Variants in MORN1 observed in about 807,000 individuals in gnomAD.
MORN1 encodes the protein MORN repeat containing 1.
MORN1 carries 67 observed loss-of-function variants against 61.9 expected under a neutral mutation model. The observed-to-expected ratio is 1.08, with a 90% confidence interval of 0.89 to 1.33. MORN1 has a LOEUF of 1.33. Among genes scored for constraint, MORN1 ranks in the 40% most tolerant of loss-of-function variants. The pLI is 0.00. For synonymous variants in MORN1, 301 were observed against 292.0 expected (o/e 1.03, Z -0.31); for missense variants, 752 against 691.2 (o/e 1.09, Z -0.99).
chr1:2,330,141 G>C (rs1641118521), intron 12 of MORN1, among the ~76,000 whole-genome samples: 1 of 152,226 alleles, frequency 6.6e-6, no homozygotes, highest in Admixed American at 6.5e-5. Flanking sequence ...TCCCCACCTG[G>C]GCTGCGAGTC....
At chr1:2,323,549 G>A (rs1640930759) in intron 13 of MORN1, 2 of 985,210 alleles carry the variant, frequency 2.0e-6, no homozygotes, top group Non-Finnish European at 2.4e-6. Flanking sequence ...TTGGTGGGGG[G>A]GTGCCAGGCC....
intron 8 of MORN1, among the ~76,000 whole-genome samples, chr1:2,366,919 T>C (rs755117203): frequency 1.3e-5 from 2 of 152,100 alleles, no homozygotes; most frequent in Non-Finnish European, 2.9e-5. Context: ...AGCAAGGACA[T>C]AGTATACATA....
chr1:2,379,840 T>G (rs149461937), intron 6 of MORN1, among the ~76,000 whole-genome samples: 2 of 152,116 alleles, frequency 1.3e-5, no homozygotes, highest in African/African-American at 4.8e-5. Flanking sequence ...TGGCGGTTCC[T>G]CAAAAATTAA....
chr1:2,370,903 T>G (rs1424822495), intron 8 of MORN1, among the ~76,000 whole-genome samples: 1 of 151,970 alleles, frequency 6.6e-6, no homozygotes, highest in Non-Finnish European at 1.5e-5. Flanking sequence ...TTGCCCAGGC[T>G]GGTCTTGATC....
chr1:2,374,236 C>G (rs1642185218), intron 7 of MORN1, among the ~76,000 whole-genome samples: 1 of 152,250 alleles, frequency 6.6e-6, no homozygotes, highest in Admixed American at 6.5e-5. Context: ...AGGCCACCCC[C>G]AGACACTCAG....
intron 10 of MORN1, chr1:2,351,721 C>T (rs1048780184): frequency 1.6e-5 from 8 of 510,336 alleles, no homozygotes; most frequent in African/African-American, 1.0e-4. Flanking sequence ...TTTCTGAACT[C>T]ATCACAATCA....
intron 8 of MORN1, among the ~76,000 whole-genome samples, chr1:2,359,724 A>C (rs1320132635): frequency 6.6e-6 from 1 of 152,174 alleles, no homozygotes; most frequent in Non-Finnish European, 1.5e-5. Context: ...TCTACTAAAA[A>C]TACAAAAAGT....
intron 8 of MORN1, among the ~76,000 whole-genome samples, chr1:2,370,674 C>CTT (rs34105463): frequency 7.0e-6 from 1 of 142,738 alleles, no homozygotes; most frequent in Non-Finnish European, 1.5e-5. Flanking sequence ...TTTTTTTCTT[C>CTT]TTTTTTTTTT....
chr1:2,322,351 G>T, intron 13 of MORN1: 2 of 985,454 alleles, frequency 2.0e-6, no homozygotes, highest in Non-Finnish European at 2.4e-6. Context: ...GAATGCGGCC[G>T]CAGCTGAAAT....
intron 4 of MORN1, chr1:2,386,944 G>A (rs2100374093): frequency 6.2e-6 from 1 of 160,604 alleles, no homozygotes; most frequent in Middle Eastern, 3.2e-3. Flanking sequence ...GAATGTGGAG[G>A]AAGTGGCTAA....
At chr1:2,321,672 GCCCCTGTGC>G in intron 13 of MORN1, 93 bp from the exon 14 acceptor site, 1 of 1,379,444 alleles carries the variant, frequency 7.2e-7, no homozygotes, top group Non-Finnish European at 9.5e-7. Flanking sequence ...GTGCCCGCTG[GCCCCTGTGC>G]CCCCGACCCT....
chr1:2,322,821 T>C, intron 13 of MORN1: 1 of 985,356 alleles, frequency 1.0e-6, no homozygotes, highest in Non-Finnish European at 1.2e-6. Context: ...ACAGGCCCCA[T>C]CTGACCCCAC....
At chr1:2,331,507 C>G (rs1005706014) in intron 12 of MORN1, among the ~76,000 whole-genome samples, 2 of 152,172 alleles carry the variant, frequency 1.3e-5, no homozygotes, top group African/African-American at 2.4e-5. Flanking sequence ...TCCTTTCTGG[C>G]CACCCTGCAC....
In MORN1 at chr1:2,321,569, C is replaced by T. The variant is rs1037381191; in HGVS notation, c.1308G>A (p.Val436=). 5 of 1,508,860 alleles carry T rather than the reference C, an allele frequency of 3.3e-6. No individual in the cohort carries two copies. The highest frequency in any genetic ancestry group is 3.6e-6 in the Non-Finnish European group (4 of 1,126,028). 93.5% of individuals were successfully genotyped at this position (1,508,860 alleles called of 1,614,324 possible). The change falls in exon 14 of 14, where the codon GTG becomes GTA. Residue 436 remains valine, a synonymous_variant. Transcript: ENST00000378531. The part of the protein sequence containing the change: ...QAAAAHLGEY[V]LMIRDVTTPP... The stretch of plus-strand genomic sequence containing the variant: ...GGGTGGTCACGTCGCGGATCATGAG[C>T]ACGTACTCCCCTGCAAGGGGCGGGT...
chr1:2,359,159 C>T (rs536302387), intron 8 of MORN1, among the ~76,000 whole-genome samples: 1 of 152,184 alleles, frequency 6.6e-6, no homozygotes, highest in Admixed American at 6.5e-5. Flanking sequence ...GGCACTGGCA[C>T]TCACAAGCTC....
At chr1:2,346,659 T>G (rs1037562571) in intron 10 of MORN1, among the ~76,000 whole-genome samples, 1 of 152,224 alleles carries the variant, frequency 6.6e-6, no homozygotes, top group African/African-American at 2.4e-5. Context: ...GTGCTGGGAT[T>G]ACAGGCGTGA....
At chr1:2,349,880 T>G in intron 10 of MORN1, among the ~76,000 whole-genome samples, 1 of 151,408 alleles carries the variant, frequency 6.6e-6, no homozygotes, top group East Asian at 1.9e-4. Context: ...ACTGGGAGGG[T>G]TTTGTGCATG....
intron 8 of MORN1, among the ~76,000 whole-genome samples, chr1:2,365,101 G>A (rs932379994): frequency 6.6e-6 from 1 of 151,644 alleles, no homozygotes; most frequent in Non-Finnish European, 1.5e-5. Flanking sequence ...TGTGAAGAAA[G>A]TCATTGGTAG....
Position 2,357,400 on chromosome 1 carries a change from C to A in MORN1, c.1036+32G>T, listed in dbSNP as rs368385172. ...CCTTGACTGCTGGGCCTGGGCCCAC[C>A]CACCCCCAACTGGTTTGTGAGCTCC... On this transcript the variant is annotated intron_variant, in intron 10 of 13. Coordinates refer to ENST00000378531, the MANE Select transcript of MORN1 (RefSeq NM_024848.3). This position sits in a 1 kb window ranked among gnomAD's most constrained non-coding sequence, Gnocchi z 6.3. 3 of 1,556,002 alleles carry A rather than the reference C, an allele frequency of 1.9e-6. No homozygotes were observed. The highest frequency in any genetic ancestry group is 2.6e-6 in the Non-Finnish European group (3 of 1,148,994).
Sources: gnomAD v4.1 joint callset for allele counts (sites outside exome capture counted in the v4.1 genomes callset) on GRCh38, gnomAD v4.1.1 for gene constraint, Gnocchi (gnomAD v3.1) non-coding constraint, MANE v1.5 for transcripts, NCBI Gene and HGNC (gene_info 2026-07-23, HGNC 2026-07-21) for gene names.